GNB4: variants seen among roughly 807,000 people sequenced by gnomAD.
GNB4 encodes guanine nucleotide-binding protein subunit beta-4.
GNB4 carries 28 observed loss-of-function variants against 45.2 expected under a neutral mutation model. The ratio of observed to expected loss-of-function variants is 0.62; its 90% CI spans 0.46 to 0.85. The LOEUF (loss-of-function observed/expected upper bound fraction) is 0.85, where lower values mean the gene tolerates loss of function less well. Ranked by LOEUF, GNB4 falls within the 40% of genes least tolerant of loss-of-function variation. GNB4 has a pLI of 0.00. For synonymous variants in GNB4, 132 were observed against 143.7 expected, an observed-to-expected ratio of 0.92 and a Z score of 0.58; for missense variants, 321 against 425.4, an observed-to-expected ratio of 0.75 and a Z score of 2.16.
intron 8 of GNB4, among the ~76,000 whole-genome samples, chr3:179,409,812 AAAAAAAAC>A (rs951556275): frequency 1.6e-5 from 2 of 122,322 alleles, no homozygotes; most frequent in Non-Finnish European, 3.4e-5. Flanking sequence ...CTGTCTCAAA[AAAAAAAAC>A]AAAAAAACAA....
At chr3:179,468,044 A>ATATATATATATATATATATG in the GNB4 span, among the ~76,000 whole-genome samples, 195 of 99,064 alleles carry the variant, frequency 2.0e-3, 32 homozygotes, top group South Asian at 4.7e-3. Context: ...AAATATATAT[A>ATATATATATATATATATATG]TATATAGAAC....
intron 1 of GNB4, among the ~76,000 whole-genome samples, chr3:179,433,908 C>T (rs575149685): frequency 6.6e-6 from 1 of 152,278 alleles, no homozygotes; most frequent in South Asian, 2.1e-4. Flanking sequence ...TGAAAAGACA[C>T]TCAACCTCAG....
chr3:179,512,844 A>T, the GNB4 span, among the ~76,000 whole-genome samples: 6 of 152,156 alleles, frequency 3.9e-5, no homozygotes, highest in African/African-American at 1.4e-4. Flanking sequence ...TGCGTAGATA[A>T]TCCTAAAGGT....
intron 8 of GNB4, 75 bp downstream of exon 8, chr3:179,413,337 G>T: frequency 2.7e-6 from 3 of 1,131,556 alleles, no homozygotes; most frequent in Non-Finnish European, 4.0e-6. Flanking sequence ...AAGGCAATTT[G>T]TTGTTAAAAT....
chr3:179,435,976 T>C (rs1321204433), intron 1 of GNB4, among the ~76,000 whole-genome samples: 1 of 152,240 alleles, frequency 6.6e-6, no homozygotes, highest in Non-Finnish European at 1.5e-5. Context: ...TATACTGCTG[T>C]GTTAGTGAAC....
chr3:179,451,572 C>G (rs991828556), upstream of GNB4: 3 of 150,232 alleles, frequency 2.0e-5, no homozygotes, highest in East Asian at 5.8e-4. Context: ...CGCGCGGGCC[C>G]GGCGGGGACG....
the GNB4 span, among the ~76,000 whole-genome samples, chr3:179,483,440 G>C: frequency 6.6e-6 from 1 of 152,048 alleles, no homozygotes; most frequent in East Asian, 1.9e-4. Context: ...GCCCATAAAG[G>C]CACAGGTCTT....
intron 1 of GNB4, among the ~76,000 whole-genome samples, chr3:179,448,073 T>G (rs1318399950): frequency 6.6e-6 from 1 of 151,984 alleles, no homozygotes; most frequent in Non-Finnish European, 1.5e-5. Flanking sequence ...TTTCATGGAG[T>G]AGGAGGGATA....
chr3:179,510,602 T>TC, the GNB4 span, among the ~76,000 whole-genome samples: 1 of 145,800 alleles, frequency 6.9e-6, no homozygotes, highest in Non-Finnish European at 1.5e-5. Context: ...TATTTGCTCT[T>TC]TTTTTTTTTT....
At chr3:179,519,587 T>C in the GNB4 span, among the ~76,000 whole-genome samples, 1 of 152,178 alleles carries the variant, frequency 6.6e-6, no homozygotes, top group South Asian at 2.1e-4. Flanking sequence ...CACTCTTTTT[T>C]AGTTATCCCC....
At chr3:179,525,280 T>C in the GNB4 span, among the ~76,000 whole-genome samples, 4 of 152,028 alleles carry the variant, frequency 2.6e-5, no homozygotes, top group African/African-American at 9.7e-5. Context: ...ATTATCGAGT[T>C]TGTATTGGGG....
the GNB4 span, among the ~76,000 whole-genome samples, chr3:179,516,846 C>G: frequency 6.6e-6 from 1 of 152,084 alleles, no homozygotes; most frequent in East Asian, 1.9e-4. Flanking sequence ...AGTTGGAATG[C>G]TAGCTGCTTC....
chr3:179,527,790 A>ATGTGTGTG, the GNB4 span, among the ~76,000 whole-genome samples: 231 of 142,436 alleles, frequency 1.6e-3, 4 homozygotes, highest in East Asian at 0.031. Context: ...GTGTGTATGT[A>ATGTGTGTG]TGTGTGTGTG....
chr3:179,487,990 G>T, the GNB4 span, among the ~76,000 whole-genome samples: 1 of 151,812 alleles, frequency 6.6e-6, no homozygotes, highest in Non-Finnish European at 1.5e-5. Context: ...GGCAGAGGTT[G>T]CAGTGAGCAG....
At chr3:179,411,710 G>A (rs1001496275) in intron 8 of GNB4, among the ~76,000 whole-genome samples, 6 of 152,182 alleles carry the variant, frequency 3.9e-5, no homozygotes, top group Admixed American at 6.5e-5. Context: ...GTTGGCCTAC[G>A]GCAAAGAGGT....
intron 1 of GNB4, among the ~76,000 whole-genome samples, chr3:179,435,392 C>T (rs1715416520): frequency 6.8e-6 from 1 of 146,288 alleles, no homozygotes; most frequent in Non-Finnish European, 1.5e-5. Context: ...CTTCATCAAG[C>T]TAGTTAAGAA....
At chr3:179,455,705 C>A (rs1349541247), upstream of GNB4, among the ~76,000 whole-genome samples, 1 of 152,180 alleles carries the variant, frequency 6.6e-6, no homozygotes, top group Non-Finnish European at 1.5e-5. Context: ...ATTCAAGTCA[C>A]CAAACTTAGT....
intron 6 of GNB4, 109 bp downstream of exon 6, chr3:179,414,776 G>A (rs1248857988): frequency 1.5e-5 from 11 of 753,758 alleles, no homozygotes; most frequent in Middle Eastern, 3.3e-4. Context: ...ATTCCCACCC[G>A]ATTAATCCTC....
chr3:179,464,554 T>A, the GNB4 span: 3 of 1,559,094 alleles, frequency 1.9e-6, no homozygotes, highest in Non-Finnish European at 2.7e-6. Flanking sequence ...CGGCCACACC[T>A]GAGCATGATC....
Sources: allele counts gnomAD v4.1 joint callset (sites outside exome capture counted in the v4.1 genomes callset), GRCh38; gene constraint gnomAD v4.1.1; transcripts MANE v1.5; gene names NCBI Gene and HGNC (gene_info 2026-07-23, HGNC 2026-07-21).